PCDHA12: variants seen among roughly 807,000 people sequenced by gnomAD.
The protein encoded by PCDHA12 is protocadherin alpha 12, also known as protocadherin alpha-12.
Under a neutral mutation model 60.0 loss-of-function variants are expected in PCDHA12, and 44 were observed. That is an observed-to-expected ratio of 0.73 (90% confidence interval 0.58 to 0.94). PCDHA12 has a LOEUF of 0.94. Among genes scored for constraint, PCDHA12 ranks in the 40% least tolerant of loss-of-function variants. The pLI is 0.00. For missense variants in PCDHA12, 1,276 were observed against 1,239.7 expected, an observed-to-expected ratio of 1.03 and a Z score of -0.44; for synonymous variants, 569 against 553.0, an observed-to-expected ratio of 1.03 and a Z score of -0.40.
At chr5:140,888,487 A>G (rs2061843954) in intron 1 of PCDHA12, among the ~76,000 whole-genome samples, 1 of 152,162 alleles carries the variant, frequency 6.6e-6, no homozygotes, top group Admixed American at 6.5e-5. Context: ...CTGTTGAGAA[A>G]CTCTGCTTTA....
At chr5:140,929,132 T>C (rs782124526) in intron 1 of PCDHA12, 2 of 1,614,214 alleles carry the variant, frequency 1.2e-6, no homozygotes, top group East Asian at 4.5e-5. Flanking sequence ...GTCACTACAG[T>C]TGAGAGACTT....
At chr5:140,893,657 A>T (rs1046030357) in intron 1 of PCDHA12, among the ~76,000 whole-genome samples, 19 of 152,126 alleles carry the variant, frequency 1.2e-4, no homozygotes, top group Non-Finnish European at 2.2e-4. Context: ...TGATAGTTTT[A>T]AAAAATTTCA....
intron 1 of PCDHA12, among the ~76,000 whole-genome samples, chr5:140,965,785 T>C (rs1315730975): frequency 1.3e-5 from 2 of 152,222 alleles, no homozygotes; most frequent in East Asian, 3.8e-4. Context: ...GCCTACAGCT[T>C]CATGGAGACT....
At chr5:141,001,978 A>G (rs1331599524) in intron 3 of PCDHA12, among the ~76,000 whole-genome samples, 1 of 152,166 alleles carries the variant, frequency 6.6e-6, no homozygotes, top group Non-Finnish European at 1.5e-5. Context: ...TCTGCGCGGA[A>G]AGCCTGGAAG....
At chr5:140,978,924 GA>G (rs781894146) in intron 1 of PCDHA12, 24 bp from the exon 2 acceptor site, 202 of 1,613,894 alleles carry the variant, frequency 1.3e-4, no homozygotes, top group Middle Eastern at 6.6e-4. Context: ...CATTTTAACA[GA>G]AAACTCTCTT....
intron 3 of PCDHA12, among the ~76,000 whole-genome samples, chr5:140,992,953 C>G (rs1377524442): frequency 5.9e-5 from 9 of 152,172 alleles, no homozygotes; most frequent in African/African-American, 2.2e-4. Flanking sequence ...ATTAAATCAC[C>G]CCTTATACTG....
chr5:140,903,768 T>C (rs1211667697), intron 1 of PCDHA12, among the ~76,000 whole-genome samples: 1 of 152,212 alleles, frequency 6.6e-6, no homozygotes, highest in Non-Finnish European at 1.5e-5. Flanking sequence ...TGCTGAACTT[T>C]TCTATCCATA....
intron 1 of PCDHA12, among the ~76,000 whole-genome samples, chr5:140,971,942 C>A (rs2153791969): frequency 6.6e-6 from 1 of 152,140 alleles, no homozygotes; most frequent in Middle Eastern, 3.4e-3. Flanking sequence ...AAGTTGTATC[C>A]ATCTGACTCC....
At chr5:140,966,539 T>C in intron 1 of PCDHA12, 1 of 462,182 alleles carries the variant, frequency 2.2e-6, no homozygotes, top group South Asian at 5.8e-5. Flanking sequence ...GTTGAGCGAC[T>C]CGGAGGCGAG....
rs114930676 is a variant in PCDHA12 at position 140,999,076 on chromosome 5, C to G, written c.2516-10551C>G. ...CATGCCTAAGTAGTCTCCTTCACTT[C>G]CTCCTTCAGAGGGCTATGGAGAGTA... On this transcript the variant is annotated intron_variant, in intron 3 of 3. Transcript: ENST00000398631. Among the ~76,000 whole-genome samples the G allele has an allele frequency of 3.3e-3, 503 of 152,332 alleles. 4 individuals are homozygous for G. The highest frequency in any genetic ancestry group is 0.011 in the African/African-American group (469 of 41,568).
At chr5:140,985,083 G>A (rs782261438) in intron 3 of PCDHA12, among the ~76,000 whole-genome samples, 5 of 152,158 alleles carry the variant, frequency 3.3e-5, no homozygotes, top group East Asian at 1.9e-4. Context: ...GACTACAGGC[G>A]TGTGCCACCA....
intron 1 of PCDHA12, among the ~76,000 whole-genome samples, chr5:140,960,080 A>G: frequency 6.6e-6 from 1 of 152,360 alleles, no homozygotes; most frequent in South Asian, 2.1e-4. Context: ...GAAGTTTCTA[A>G]AAGAGAAAGA....
rs1554244374 is a variant in PCDHA12 at position 140,982,509 on chromosome 5, GC to G, written c.2462del (p.Ala821ValfsTer85). ...VHLEEAGILR[A>X]GPGGPDQQWP... is the part of the protein sequence containing the mutation. ...CCTAGAGGAGGCTGGCATTCTACGGGCTGGTCCAGGAGGGCCTGATCAGCAG... is the reference window on the plus strand; with the variant it reads ...CCTAGAGGAGGCTGGCATTCTACGGGTGGTCCAGGAGGGCCTGATCAGCAG... On this transcript the variant is annotated frameshift_variant, in exon 3 of 4. Transcript: ENST00000398631. LOFTEE classifies it high-confidence loss of function. 6.2e-7 allele frequency: 1 copy of G among 1,614,206 alleles called. No homozygotes were observed. Among genetic ancestry groups the G allele is most frequent in the Non-Finnish European group, 8.5e-7 (1 of 1,180,032 alleles).
chr5:140,995,047 C>G (rs1174630120), intron 3 of PCDHA12, among the ~76,000 whole-genome samples: 2 of 152,158 alleles, frequency 1.3e-5, no homozygotes, highest in Admixed American at 1.3e-4. Context: ...CTTAACTCTA[C>G]TGAATTTTCA....
chr5:140,896,453 C>T (rs782013950), intron 1 of PCDHA12, among the ~76,000 whole-genome samples: 3 of 152,106 alleles, frequency 2.0e-5, no homozygotes, highest in Non-Finnish European at 2.9e-5. Context: ...ACCTCCACCT[C>T]CTGGGTTCAA....
intron 1 of PCDHA12, chr5:140,969,289 G>C: frequency 6.2e-7 from 1 of 1,614,208 alleles, no homozygotes; most frequent in Non-Finnish European, 8.5e-7. Context: ...AGAATGCTGG[G>C]AACCTGATTA....
chr5:140,934,941 T>C (rs1397192075), intron 1 of PCDHA12, among the ~76,000 whole-genome samples: 4 of 152,172 alleles, frequency 2.6e-5, no homozygotes, highest in African/African-American at 9.6e-5. Context: ...AAAACTAGTA[T>C]AGAGAGATCC....
chr5:140,980,834 C>A (rs1424222678), intron 2 of PCDHA12, among the ~76,000 whole-genome samples: 1 of 151,974 alleles, frequency 6.6e-6, no homozygotes, highest in Non-Finnish European at 1.5e-5. Context: ...AGTTGTGAAC[C>A]TAAATAATAC....
intron 3 of PCDHA12, among the ~76,000 whole-genome samples, chr5:140,989,470 C>T (rs1365588787): frequency 6.6e-6 from 1 of 152,148 alleles, no homozygotes; most frequent in African/African-American, 2.4e-5. Context: ...TGGAACTCCT[C>T]CTGGGAGGTG....
Sources: allele counts gnomAD v4.1 joint callset (sites outside exome capture counted in the v4.1 genomes callset), GRCh38; gene constraint gnomAD v4.1.1; transcripts MANE v1.5; gene names NCBI Gene and HGNC (gene_info 2026-07-23, HGNC 2026-07-21).